KCNAB1: variants seen among roughly 807,000 people sequenced by gnomAD.
KCNAB1 encodes the protein voltage-gated potassium channel subunit beta-1.
KCNAB1 carries 35 observed loss-of-function variants against 64.6 expected under a neutral mutation model. The observed-to-expected ratio is 0.54, with a 90% CI of 0.41 to 0.72. The LOEUF is 0.72. Among genes scored for constraint, KCNAB1 ranks in the 30% least tolerant of loss-of-function variants. KCNAB1 has a pLI of 0.00. For missense variants in KCNAB1, 401 were observed against 512.9 expected, an observed-to-expected ratio of 0.78 and a Z score of 2.11; for synonymous variants, 177 against 183.8, an observed-to-expected ratio of 0.96 and a Z score of 0.30.
chr3:156,304,195 A>G (rs2107993008), intron 1 of KCNAB1, among the ~76,000 whole-genome samples: 1 of 152,354 alleles, frequency 6.6e-6, no homozygotes, highest in African/African-American at 2.4e-5. Flanking sequence ...AGATAGAAAT[A>G]CTTTGGGGAC....
rs397991453 is a variant in KCNAB1 at position 156,312,703 on chromosome 3, CAAAAAAAAAAAA to C, written c.276-108896_276-108885del. Among the ~76,000 whole-genome samples the C allele has an allele frequency of 3.6e-4, 10 of 27,406 alleles. No homozygotes were observed. In the South Asian group the frequency reaches 6.9e-3, roughly 19 times the overall value. 18.0% of individuals were successfully genotyped at this position (27,406 alleles called of 152,430 possible). A position where few individuals can be genotyped will look rare whatever the true frequency, so the allele number is the denominator to read the frequency against. ...CTAGGTGACAGAGTGAGACTGTCTC[CAAAAAAAAAAAA>C]AAAAAAAAAAAAAAAACTCATAATA... is the stretch of plus-strand genomic sequence containing the variant. On this transcript the variant is annotated intron_variant, in intron 1 of 13. Coordinates refer to ENST00000490337, the MANE Select transcript of KCNAB1 (RefSeq NM_172160.3).
At chr3:156,224,451 C>A (rs571503015) in intron 1 of KCNAB1, among the ~76,000 whole-genome samples, 5 of 151,574 alleles carry the variant, frequency 3.3e-5, no homozygotes. Flanking sequence ...CAAGAGCAAG[C>A]GAGGGCTGCG....
chr3:156,226,528 A>G (rs1716185107), intron 1 of KCNAB1, among the ~76,000 whole-genome samples: 1 of 152,198 alleles, frequency 6.6e-6, no homozygotes, highest in Admixed American at 6.5e-5. Context: ...AGAACCCAAA[A>G]GCAAATGCAC....
chr3:156,504,691 T>C (rs1237163099), intron 8 of KCNAB1, among the ~76,000 whole-genome samples: 1 of 152,018 alleles, frequency 6.6e-6, no homozygotes, highest in Non-Finnish European at 1.5e-5. Context: ...TAGAGGAATA[T>C]TTATTCAGAT....
chr3:156,436,718 T>A (rs1716606286), intron 2 of KCNAB1, among the ~76,000 whole-genome samples: 1 of 152,268 alleles, frequency 6.6e-6, no homozygotes, highest in Non-Finnish European at 1.5e-5. Context: ...TGTCTTCTTT[T>A]GAGAAGTGTC....
chr3:156,150,533 G>T (rs753770026), intron 1 of KCNAB1, among the ~76,000 whole-genome samples: 32 of 152,246 alleles, frequency 2.1e-4, no homozygotes, highest in South Asian at 1.2e-3. Context: ...GTTGACAGCG[G>T]TTTCGTCTGA....
At chr3:156,357,235 T>C (rs1725315897) in intron 1 of KCNAB1, among the ~76,000 whole-genome samples, 1 of 152,160 alleles carries the variant, frequency 6.6e-6, no homozygotes, top group African/African-American at 2.4e-5. Context: ...AGATGTCTGG[T>C]GCTTCTTAAT....
At chr3:156,477,541 C>T (rs988304433) in intron 8 of KCNAB1, among the ~76,000 whole-genome samples, 2 of 152,088 alleles carry the variant, frequency 1.3e-5, no homozygotes, top group African/African-American at 4.8e-5. Flanking sequence ...CTGGGAGGAC[C>T]CTGCAGGGAC....
Position 156,523,833 on chromosome 3 carries a change from C to G in KCNAB1, c.967C>G (p.Gln323Glu). 2 of 1,612,612 alleles carry G rather than the reference C, an allele frequency of 1.2e-6. No individual in the cohort carries two copies. Among genetic ancestry groups the G allele is most frequent in the Non-Finnish European group, 1.7e-6 (2 of 1,178,944 alleles). ...ATGTTATGCTTTTCCCCAGTGCTAC[C>G]AGTGGTTGAAAGAAAGAATTGTAAG... is the stretch of plus-strand genomic sequence containing the variant. ...ESSRASLKCY[Q>E]WLKERIVSEE... The change falls in exon 12 of 14, where the codon CAG becomes GAG. Residue 323 changes from glutamine to glutamate, a missense_variant. Physicochemically the swap from Gln to Glu is conservative, Grantham distance 29 (BLOSUM62 2). Transcript: ENST00000490337.
In KCNAB1 at chr3:156,537,626, T is replaced by C. The variant is rs540896114; in HGVS notation, c.*879T>C. 6.5e-6 allele frequency: 1 copy of C among 152,780 alleles called. No homozygotes were observed. The highest frequency in any genetic ancestry group is 2.1e-4 in the South Asian group (1 of 4,832). The allele number at this position is 152,780 out of a possible 1,614,324, so 9.5% of individuals were successfully genotyped here. A position where few individuals can be genotyped will look rare whatever the true frequency, so the allele number is the denominator to read the frequency against. The stretch of plus-strand genomic sequence containing the variant: ...TATCTGCAATTAGGTGTTCATTTTT[T>C]ACTACATTTTATTAAAACCTGCTTT... On this transcript the variant is annotated 3_prime_UTR_variant, in exon 14 of 14. Transcript: ENST00000490337.
intron 8 of KCNAB1, among the ~76,000 whole-genome samples, chr3:156,487,384 A>C (rs1263362780): frequency 6.6e-6 from 1 of 152,136 alleles, no homozygotes; most frequent in Admixed American, 6.6e-5. Context: ...ATAGTGGAAA[A>C]TATTATATGC....
At chr3:156,371,036 G>A (rs138530566) in intron 1 of KCNAB1, among the ~76,000 whole-genome samples, 116 of 152,300 alleles carry the variant, frequency 7.6e-4, no homozygotes, top group African/African-American at 2.7e-3. Flanking sequence ...CAAACCAGGG[G>A]CTCAGATGTT....
chr3:156,340,161 C>T (rs1339623643), intron 1 of KCNAB1, among the ~76,000 whole-genome samples: 1 of 152,072 alleles, frequency 6.6e-6, no homozygotes, highest in Non-Finnish European at 1.5e-5. Flanking sequence ...GATATCAGCC[C>T]TACCCCTCAG....
At chr3:156,309,093 A>T (rs912026412) in intron 1 of KCNAB1, among the ~76,000 whole-genome samples, 14 of 152,196 alleles carry the variant, frequency 9.2e-5, no homozygotes, top group African/African-American at 3.1e-4. Flanking sequence ...CAAACATTTC[A>T]TCTGGAAATG....
intron 2 of KCNAB1, among the ~76,000 whole-genome samples, chr3:156,442,359 G>A (rs941613225): frequency 6.6e-6 from 1 of 152,006 alleles, no homozygotes; most frequent in African/African-American, 2.4e-5. Context: ...CATCCCCACC[G>A]TTCATCCTAT....
chr3:156,514,299 T>TA, intron 8 of KCNAB1, 65 bp from the exon 9 acceptor site: 1 of 1,298,950 alleles, frequency 7.7e-7, no homozygotes, highest in East Asian at 2.3e-5. Context: ...GCTAGAGGAG[T>TA]AAAAATCGCA....
intron 1 of KCNAB1, among the ~76,000 whole-genome samples, chr3:156,201,974 C>T (rs996680269): frequency 3.9e-5 from 6 of 152,234 alleles, no homozygotes; most frequent in African/African-American, 1.2e-4. Context: ...CTGGGGCTCC[C>T]ACAGAGGCGA....
intron 1 of KCNAB1, among the ~76,000 whole-genome samples, chr3:156,212,531 T>C (rs181247270): frequency 4.6e-5 from 7 of 152,278 alleles, no homozygotes; most frequent in Non-Finnish European, 8.8e-5. Flanking sequence ...TGCTCCTGGA[T>C]GTTACTGGCT....
At chr3:156,178,561 G>A (rs1454332657) in intron 1 of KCNAB1, among the ~76,000 whole-genome samples, 1 of 152,188 alleles carries the variant, frequency 6.6e-6, no homozygotes, top group African/African-American at 2.4e-5. Flanking sequence ...TTTGCATTAA[G>A]AGTCTATTGG....
Sources: gnomAD v4.1 joint callset for allele counts (sites outside exome capture counted in the v4.1 genomes callset) on GRCh38, gnomAD v4.1.1 for gene constraint, MANE v1.5 for transcripts, NCBI Gene and HGNC (gene_info 2026-07-23, HGNC 2026-07-21) for gene names.